The following ITFG1 variants were observed in gnomAD, a reference collection of about 807,000 sequenced individuals.
ITFG1 encodes the protein T-cell immunomodulatory protein.
ITFG1 carries 34 observed loss-of-function variants against 81.8 expected under a neutral mutation model. That is an observed-to-expected ratio of 0.42 (90% CI 0.32 to 0.55). ITFG1 has a LOEUF of 0.55. Ranked by LOEUF, ITFG1 falls within the 20% of genes least tolerant of loss-of-function variation. The pLI, the probability that ITFG1 is intolerant of heterozygous loss-of-function variation, is 0.17. For synonymous variants in ITFG1, 285 were observed against 270.6 expected (o/e 1.05, Z -0.52); for missense variants, 672 against 755.4 (o/e 0.89, Z 1.29).
chr16:47,181,921 C>T (rs1965129672), intron 14 of ITFG1, among the ~76,000 whole-genome samples: 1 of 152,156 alleles, frequency 6.6e-6, no homozygotes, highest in Admixed American at 6.5e-5. Context: ...GCTGTGTCCA[C>T]TCAGGTTAAA....
intron 9 of ITFG1, chr16:47,312,115 T>A (rs1161151287): frequency 6.6e-6 from 1 of 152,186 alleles, no homozygotes; most frequent in Admixed American, 6.5e-5. Flanking sequence ...CATTTGAAAA[T>A]GAGCTTTGGG....
intron 9 of ITFG1, chr16:47,311,932 C>T (rs1441843700): frequency 1.3e-5 from 2 of 152,248 alleles, no homozygotes; most frequent in East Asian, 3.8e-4. Context: ...CGAGCAGCTC[C>T]TGAGTCTTTC....
rs755468072 is a variant in ITFG1 at position 47,257,807 on chromosome 16, A to G, written c.1330+825T>C. Among the ~76,000 whole-genome samples the G allele has an allele frequency of 4.6e-5, 7 of 152,178 alleles. No homozygotes were observed. In the East Asian group the frequency reaches 1.3e-3, roughly 29 times the overall value. ...GTAGCAACGAGCACACTGGGCAACC[A>G]TTTCAGGATGTGGTTTTGAAATACT... is the stretch of plus-strand genomic sequence containing the variant. On this transcript the variant is annotated intron_variant, in intron 12 of 17. Transcript: ENST00000320640.
At chr16:47,243,950 G>A (rs1343984540) in intron 12 of ITFG1, among the ~76,000 whole-genome samples, 1 of 152,172 alleles carries the variant, frequency 6.6e-6, no homozygotes, top group Non-Finnish European at 1.5e-5. Flanking sequence ...AGGATCGCTT[G>A]AACCTGGGAG....
At chr16:47,237,434 G>A (rs1048024623) in intron 13 of ITFG1, among the ~76,000 whole-genome samples, 3 of 152,146 alleles carry the variant, frequency 2.0e-5, no homozygotes, top group South Asian at 2.1e-4. Context: ...ACACATGCAT[G>A]CTTTTAAATA....
At chr16:47,186,159 A>G (rs1465337541) in intron 14 of ITFG1, among the ~76,000 whole-genome samples, 1 of 152,196 alleles carries the variant, frequency 6.6e-6, no homozygotes, top group African/African-American at 2.4e-5. Context: ...AGATGGATTC[A>G]CAGCCGAATT....
rs1047044821 is a variant in ITFG1 at position 47,396,847 on chromosome 16, A to G, written c.656-20907T>C. Among the ~76,000 whole-genome samples, 7 of 151,912 alleles carry G rather than the reference A, an allele frequency of 4.6e-5. No individual in the cohort carries two copies. The East Asian group carries it at 9.7e-4, about 21-fold the overall frequency. The stretch of plus-strand genomic sequence containing the variant: ...TGACTGGTGGTTTTGGAGATGGTAT[A>G]TTTTCTGGTACCTACAAGGTGCAGG... On this transcript the variant is annotated intron_variant, in intron 6 of 17. Coordinates refer to ENST00000320640, the MANE Select transcript of ITFG1 (RefSeq NM_030790.5).
chr16:47,459,956 T>C (rs544292060), intron 1 of ITFG1, among the ~76,000 whole-genome samples: 2 of 151,906 alleles, frequency 1.3e-5, no homozygotes, highest in Admixed American at 6.6e-5. Context: ...GAGTAGCTCT[T>C]CCTTCCTTCC....
intron 12 of ITFG1, among the ~76,000 whole-genome samples, chr16:47,244,465 C>A (rs1965973610): frequency 6.6e-6 from 1 of 152,080 alleles, no homozygotes; most frequent in Non-Finnish European, 1.5e-5. Flanking sequence ...AAGGCAGAAT[C>A]CCTACATATT....
At chr16:47,194,695 T>C (rs1330144876) in intron 14 of ITFG1, among the ~76,000 whole-genome samples, 1 of 151,844 alleles carries the variant, frequency 6.6e-6, no homozygotes, top group African/African-American at 2.4e-5. Flanking sequence ...AAAATACTTT[T>C]TCTACTTAAT....
intron 6 of ITFG1, among the ~76,000 whole-genome samples, chr16:47,416,120 A>C (rs1388361173): frequency 6.6e-6 from 1 of 152,000 alleles, no homozygotes; most frequent in Non-Finnish European, 1.5e-5. Context: ...CAAAACAAAA[A>C]ACACCTTTAT....
At chr16:47,379,675 G>C (rs1367603967) in intron 6 of ITFG1, among the ~76,000 whole-genome samples, 1 of 144,638 alleles carries the variant, frequency 6.9e-6, no homozygotes, top group Non-Finnish European at 1.5e-5. Context: ...ACAAGGGCGA[G>C]ATTATTCCAT....
At chr16:47,266,659 TTAAACA>T (rs1477757735) in intron 10 of ITFG1, among the ~76,000 whole-genome samples, 1 of 152,202 alleles carries the variant, frequency 6.6e-6, no homozygotes, top group Non-Finnish European at 1.5e-5. Context: ...ACTCAAAAGA[TTAAACA>T]TAGAGTTAAA....
chr16:47,441,629 AC>A (rs1969251991), intron 5 of ITFG1, among the ~76,000 whole-genome samples: 2 of 152,078 alleles, frequency 1.3e-5, no homozygotes, highest in Admixed American at 1.3e-4. Context: ...AAATTCAACA[AC>A]CCTTCATGCT....
At chr16:47,421,272 A>ACG (rs747670275) in intron 6 of ITFG1, among the ~76,000 whole-genome samples, 1 of 123,832 alleles carries the variant, frequency 8.1e-6, no homozygotes, top group Non-Finnish European at 1.7e-5. Context: ...ATACATATGC[A>ACG]CACACACACA....
At chr16:47,451,500 A>G (rs747638269) in intron 4 of ITFG1, 30 bp from the exon 5 acceptor site, 7 of 1,168,910 alleles carry the variant, frequency 6.0e-6, no homozygotes, top group African/African-American at 1.5e-5. Context: ...ATAAGCAGCT[A>G]TTTCTTTAAA....
chr16:47,368,541 G>A (rs1968207835), intron 7 of ITFG1, among the ~76,000 whole-genome samples: 1 of 94,588 alleles, frequency 1.1e-5, no homozygotes. Flanking sequence ...GGGTGACAGA[G>A]CAAGACTCCA....
intron 5 of ITFG1, among the ~76,000 whole-genome samples, chr16:47,441,762 A>C (rs1417330736): frequency 4.6e-5 from 7 of 151,994 alleles, no homozygotes; most frequent in Middle Eastern, 3.2e-3. Flanking sequence ...CCCTTTGAAA[A>C]CTGGCACAAG....
At chr16:47,385,087 GT>G (rs1968444030) in intron 6 of ITFG1, among the ~76,000 whole-genome samples, 1 of 152,228 alleles carries the variant, frequency 6.6e-6, no homozygotes. Flanking sequence ...ATTTGCACTG[GT>G]CAGAAACTGT....
Sources: allele counts gnomAD v4.1 joint callset (sites outside exome capture counted in the v4.1 genomes callset), GRCh38; gene constraint gnomAD v4.1.1; transcripts MANE v1.5; gene names NCBI Gene and HGNC (gene_info 2026-07-23, HGNC 2026-07-21).